SLC6A3: variants seen among roughly 807,000 people sequenced by gnomAD.
SLC6A3 encodes solute carrier family 6 member 3, also known as sodium-dependent dopamine transporter.
SLC6A3 carries 19 observed loss-of-function variants against 70.4 expected under a neutral mutation model. The ratio of observed to expected loss-of-function variants is 0.27; its 90% confidence interval spans 0.19 to 0.40. The LOEUF (loss-of-function observed/expected upper bound fraction) is 0.40, where lower values mean the gene tolerates loss of function less well. Ranked by LOEUF, SLC6A3 falls within the 10% of genes least tolerant of loss-of-function variation. The pLI is 1.00. For missense variants in SLC6A3, 613 were observed against 838.5 expected, an observed-to-expected ratio of 0.73 and a Z score of 3.32; for synonymous variants, 368 against 356.6, an observed-to-expected ratio of 1.03 and a Z score of -0.36.
chr5:1,427,315 G>A (rs1029354704), intron 4 of SLC6A3, among the ~76,000 whole-genome samples: 16 of 152,290 alleles, frequency 1.1e-4, no homozygotes, highest in African/African-American at 3.6e-4. Context: ...TCTGTGAAAC[G>A]GTATCATGTC....
intron 3 of SLC6A3, among the ~76,000 whole-genome samples, chr5:1,441,117 C>T (rs747066982): frequency 1.3e-5 from 2 of 152,256 alleles, no homozygotes; most frequent in Non-Finnish European, 2.9e-5. Context: ...ATTTTAGCAT[C>T]TTGACAAAGT....
At chr5:1,422,160 A>G in intron 4 of SLC6A3, 146 bp from the exon 5 acceptor site, 1 of 911,250 alleles carries the variant, frequency 1.1e-6, no homozygotes, top group Non-Finnish European at 1.7e-6. Context: ...CCTTCCAGGG[A>G]GGTCTGGCCC....
rs1265356097 is a variant in SLC6A3 at position 1,411,683 on chromosome 5, T to C, written c.1157-328A>G. Among the ~76,000 whole-genome samples the C allele has an allele frequency of 2.0e-5, 3 of 152,232 alleles. No individual in the cohort carries two copies. The highest frequency in any genetic ancestry group is 3.2e-3 in the Middle Eastern group (1 of 316). ...GGAGGAGCAGGAGGGGCTTCCAGGC[T>C]GGTCCTGCCCTTCATCCCAGGGACA... On this transcript the variant is annotated intron_variant, in intron 8 of 14. Coordinates refer to ENST00000270349, the MANE Select transcript of SLC6A3 (RefSeq NM_001044.5). This position sits in a 1 kb window ranked among gnomAD's most constrained non-coding sequence, Gnocchi z 6.5.
In SLC6A3 at chr5:1,438,006, G is replaced by A. The variant is rs755762568; in HGVS notation, c.418+3353C>T. On this transcript the variant is annotated intron_variant, in intron 3 of 14. Coordinates refer to ENST00000270349, the MANE Select transcript of SLC6A3 (RefSeq NM_001044.5). The surrounding 1 kb of genome is among the most constrained non-coding windows in gnomAD (Gnocchi z 6.5). ...ACATCTGATTTCATAAGCAATGTCAGTCTCCTCTAAACTGGCATCCTGCGC... is the reference window on the plus strand; with the variant it reads ...ACATCTGATTTCATAAGCAATGTCAATCTCCTCTAAACTGGCATCCTGCGC... Among the ~76,000 whole-genome samples, 1 of 152,232 alleles carries A rather than the reference G, an allele frequency of 6.6e-6. No individual in the cohort carries two copies. Among genetic ancestry groups the A allele is most frequent in the Non-Finnish European group, 1.5e-5 (1 of 68,046 alleles).
rs1357450244 is a variant in SLC6A3, at chr5:1,406,659, AACTT to A, written c.1499-375_1499-372del. ...TTATGGTAAAATACACATAACATAA[AACTT>A]ACCATTTTAGCCATTTTTACGTGTA... On this transcript the variant is annotated intron_variant, in intron 11 of 14. Transcript: ENST00000270349. This position sits in a 1 kb window ranked among gnomAD's most constrained non-coding sequence, Gnocchi z 8.8. 6.7e-6 allele frequency among the ~76,000 whole-genome samples: 1 copy of A among 149,304 alleles called. No individual in the cohort carries two copies. Among genetic ancestry groups the A allele is most frequent in the Non-Finnish European group, 1.5e-5 (1 of 65,980 alleles).
chr5:1,425,684 T>C (rs1756560682), intron 4 of SLC6A3, among the ~76,000 whole-genome samples: 1 of 152,204 alleles, frequency 6.6e-6, no homozygotes, highest in Admixed American at 6.5e-5. Context: ...TTTAAAACTT[T>C]TGTGCACTGA....
intron 8 of SLC6A3, 106 bp downstream of exon 8, chr5:1,414,585 T>A: frequency 7.4e-7 from 1 of 1,359,554 alleles, no homozygotes; most frequent in South Asian, 1.2e-5. Context: ...CTGAAGTCGC[T>A]CAGGGCCCAT....
At chr5:1,403,155 G>C (rs532397620) in intron 12 of SLC6A3, 66 bp from the exon 13 acceptor site, 2 of 1,556,268 alleles carry the variant, frequency 1.3e-6, no homozygotes, top group East Asian at 4.7e-5. Flanking sequence ...AGCAGGGAGC[G>C]GGCAGGCACT....
intron 6 of SLC6A3, among the ~76,000 whole-genome samples, chr5:1,417,293 C>T (rs1310725082): frequency 3.3e-5 from 5 of 152,138 alleles, no homozygotes; most frequent in South Asian, 2.1e-4. Flanking sequence ...ATGATGGTGG[C>T]GCCCTGACAA....
chr5:1,427,560 G>A (rs1184225543), intron 4 of SLC6A3, among the ~76,000 whole-genome samples: 2 of 152,190 alleles, frequency 1.3e-5, no homozygotes, highest in African/African-American at 2.4e-5. Context: ...TTAAAAAACA[G>A]AGATTGCCAT....
intron 4 of SLC6A3, among the ~76,000 whole-genome samples, chr5:1,429,365 T>C (rs1027201427): frequency 6.6e-6 from 1 of 152,222 alleles, no homozygotes; most frequent in Non-Finnish European, 1.5e-5. Flanking sequence ...CGTCTGCTCT[T>C]GAGCTGCCGC....
In SLC6A3 at chr5:1,401,020, G is replaced by A. The variant is rs573539617; in HGVS notation, c.1768-34C>T. ...GAAAGAGAGTGCAGGGGTCAGTGCA[G>A]ACCAGTACCCACTGCCAGCACCCAC... is the stretch of plus-strand genomic sequence containing the variant. On this transcript the variant is annotated intron_variant, in intron 13 of 14. Coordinates refer to ENST00000270349, the MANE Select transcript of SLC6A3 (RefSeq NM_001044.5). This position sits in a 1 kb window ranked among gnomAD's most constrained non-coding sequence, Gnocchi z 6.1. 2.6e-6 allele frequency: 4 copies of A among 1,517,584 alleles called. No individual in the cohort carries two copies. Among genetic ancestry groups the A allele is most frequent in the Admixed American group, 1.8e-5 (1 of 54,822 alleles). 94.0% of individuals were successfully genotyped at this position (1,517,584 alleles called of 1,614,324 possible). A position where few individuals can be genotyped will look rare whatever the true frequency, so the allele number is the denominator to read the frequency against.
chr5:1,422,161 G>T (rs940442494), intron 4 of SLC6A3, 147 bp from the exon 5 acceptor site: 1 of 905,438 alleles, frequency 1.1e-6, no homozygotes, highest in South Asian at 1.6e-5. Context: ...CTTCCAGGGA[G>T]GTCTGGCCCA....
rs1755942809 is a variant in SLC6A3 at position 1,405,190 on chromosome 5, A to G, written c.1599+998T>C. On this transcript the variant is annotated intron_variant, in intron 12 of 14. Transcript: ENST00000270349. This position sits in a 1 kb window ranked among gnomAD's most constrained non-coding sequence, Gnocchi z 5.3. ...CCACACCACGCGGCCTGGAGCTCAG[A>G]CACGGTGGAATTTCTACAAGATGCC... Among the ~76,000 whole-genome samples the G allele has an allele frequency of 6.6e-6, 1 of 152,254 alleles. No individual in the cohort carries two copies. The highest frequency in any genetic ancestry group is 2.4e-5 in the African/African-American group (1 of 41,468).
At position 1,413,929 on chromosome 5, in the gene SLC6A3, T is replaced by G. The variant is rs1001419429; in HGVS notation, c.1156+762A>C. 6.6e-6 allele frequency among the ~76,000 whole-genome samples: 1 copy of G among 152,086 alleles called. No homozygotes were observed. The highest frequency in any genetic ancestry group is 6.5e-5 in the Admixed American group (1 of 15,272). Reference sequence around the variant, plus strand: ...CCGGCTCCATCCTGCCTGGCACACTTCTTGCTGTGGCCAAGGCCTCCCCCC... The same window carrying G: ...CCGGCTCCATCCTGCCTGGCACACTGCTTGCTGTGGCCAAGGCCTCCCCCC... On this transcript the variant is annotated intron_variant, in intron 8 of 14. Coordinates refer to ENST00000270349, the MANE Select transcript of SLC6A3 (RefSeq NM_001044.5). The surrounding 1 kb of genome is among the most constrained non-coding windows in gnomAD (Gnocchi z 7.1).
At chr5:1,414,198 C>T (rs1351327150) in intron 8 of SLC6A3, among the ~76,000 whole-genome samples, 1 of 151,940 alleles carries the variant, frequency 6.6e-6, no homozygotes, top group African/African-American at 2.4e-5. Context: ...CATGTTCCCA[C>T]ACCGCGTGGC....
Position 1,408,975 on chromosome 5 carries a change from A to T in SLC6A3, c.1498+51T>A. ...GAGCCTTTTTCAGAAGGGGAGTGGC[A>T]CAGCCACCAAACAAGAGGGTGCCGG... On this transcript the variant is annotated intron_variant, in intron 11 of 14. Coordinates refer to ENST00000270349, the MANE Select transcript of SLC6A3 (RefSeq NM_001044.5). This position sits in a 1 kb window ranked among gnomAD's most constrained non-coding sequence, Gnocchi z 6.4. 5 of 1,293,008 alleles carry T rather than the reference A, an allele frequency of 3.9e-6. No individual in the cohort carries two copies. The highest frequency in any genetic ancestry group is 5.6e-6 in the Non-Finnish European group (5 of 891,206). 80.1% of individuals were successfully genotyped at this position (1,293,008 alleles called of 1,614,324 possible).
At chr5:1,400,888 G>A (rs1298340642) in intron 14 of SLC6A3, 27 bp downstream of exon 14, 37 of 1,536,274 alleles carry the variant, frequency 2.4e-5, no homozygotes, top group Non-Finnish European at 3.3e-5. Context: ...TCCCCCGAGA[G>A]AGGCCCAGCA....
At chr5:1,423,006 C>CCATGGTGCTGGGTGCCCACCGCTGCCCA (rs762986220) in intron 4 of SLC6A3, among the ~76,000 whole-genome samples, 1 of 66,638 alleles carries the variant, frequency 1.5e-5, no homozygotes. Flanking sequence ...CCACTGCTGC[C>CCATGGTGCTGGGTGCCCACCGCTGCCCA]CAGTGCTGCC....
Sources: gnomAD v4.1 joint callset for allele counts (sites outside exome capture counted in the v4.1 genomes callset) on GRCh38, gnomAD v4.1.1 for gene constraint, Gnocchi (gnomAD v3.1) non-coding constraint, MANE v1.5 for transcripts, NCBI Gene and HGNC (gene_info 2026-07-23, HGNC 2026-07-21) for gene names.